ARSF: variants seen among roughly 807,000 people sequenced by gnomAD.
ARSF encodes the protein arylsulfatase F.
Under a neutral mutation model 35.4 loss-of-function variants are expected in ARSF, and 33 were observed. That is an observed-to-expected ratio of 0.93 (90% CI 0.71 to 1.25). The LOEUF is 1.25. ARSF is among the 50% of genes most tolerant of loss of function. The pLI is 0.00. For missense variants in ARSF, 501 were observed against 480.2 expected (o/e 1.04, Z -0.40); for synonymous variants, 222 against 193.1 (o/e 1.15, Z -1.24).
At chrX:3,064,830 T>C (rs953766166) in intron 1 of ARSF, among the ~76,000 whole-genome samples, 7 of 111,473 alleles carry the variant, frequency 6.3e-5, no homozygotes, top group Non-Finnish European at 1.3e-4. Flanking sequence ...TGTGGAGAAA[T>C]AGGAACACTT....
At chrX:3,064,288 T>C (rs1049551180) in intron 1 of ARSF, among the ~76,000 whole-genome samples, 1 of 111,979 alleles carries the variant, frequency 8.9e-6, no homozygotes, top group East Asian at 2.8e-4. Context: ...CCTTACACTT[T>C]ATACAAAATT....
intron 1 of ARSF, among the ~76,000 whole-genome samples, chrX:3,045,554 CTTTT>C (rs780857677): frequency 3.3e-5 from 3 of 89,894 alleles, no homozygotes; most frequent in Non-Finnish European, 4.5e-5. Flanking sequence ...CTGGGCTAAT[CTTTT>C]TTTTTTTTTT....
chrX:3,084,598 G>A lies in ARSF; in HGVS notation c.762G>A (p.Thr254=), dbSNP rs1399812078. Residue 254 remains threonine, a synonymous_variant, in exon 6 of 11, where the codon ACG becomes ACA. Coordinates refer to ENST00000381127, the MANE Select transcript of ARSF (RefSeq NM_001201539.2). ...TCCTCATGCGGGGGCACGAGATCAC[G>A]GAGCAGCCCATGAAGGCTGAACGAG... ...DCLLMRGHEI[T]EQPMKAERAG... 14 of 1,209,406 alleles carry A rather than the reference G, an allele frequency of 1.2e-5. No homozygotes were observed. The highest frequency in any genetic ancestry group is 2.3e-4 in the Middle Eastern group (1 of 4,330).
intron 1 of ARSF, among the ~76,000 whole-genome samples, chrX:3,047,455 C>A (rs1237628124): frequency 1.0e-5 from 1 of 96,310 alleles, no homozygotes; most frequent in African/African-American, 3.8e-5. Flanking sequence ...GCTGGGATTA[C>A]AGGCGTGATC....
intron 7 of ARSF, among the ~76,000 whole-genome samples, chrX:3,095,778 A>C (rs1270076745): frequency 9.1e-6 from 1 of 110,118 alleles, no homozygotes; most frequent in Non-Finnish European, 1.9e-5. Flanking sequence ...TGACGCTTTG[A>C]ATATTTTAAT....
chrX:3,059,294 C>A (rs1164007326), intron 1 of ARSF, among the ~76,000 whole-genome samples: 1 of 111,467 alleles, frequency 9.0e-6, no homozygotes, highest in East Asian at 2.8e-4. Context: ...GAAACCCCGT[C>A]TCTACTAAAA....
At chrX:3,093,185 T>A (rs2090313033) in intron 7 of ARSF, among the ~76,000 whole-genome samples, 1 of 112,336 alleles carries the variant, frequency 8.9e-6, no homozygotes, top group Non-Finnish European at 1.9e-5. Context: ...AAAATTATCA[T>A]GGGTTTCCCA....
At chrX:3,079,435 C>T (rs2090180013) in intron 4 of ARSF, among the ~76,000 whole-genome samples, 1 of 105,372 alleles carries the variant, frequency 9.5e-6, no homozygotes, top group Non-Finnish European at 1.9e-5. Context: ...AACCTCTGCC[C>T]CTGGGTTCAA....
intron 7 of ARSF, among the ~76,000 whole-genome samples, chrX:3,099,947 AATGTT>A (rs1242235728): frequency 8.9e-6 from 1 of 112,071 alleles, no homozygotes; most frequent in Non-Finnish European, 1.9e-5. Context: ...ATGTTAATGT[AATGTT>A]ATCTGAGATA....
chrX:3,093,678 T>A (rs144951730), intron 7 of ARSF, among the ~76,000 whole-genome samples: 72 of 111,904 alleles, frequency 6.4e-4, no homozygotes, highest in Middle Eastern at 4.6e-3. Context: ...TCTTTGCTAT[T>A]GTGAATAGTA....
At chrX:3,098,476 G>T (rs1183729253) in intron 7 of ARSF, among the ~76,000 whole-genome samples, 3 of 111,116 alleles carry the variant, frequency 2.7e-5, no homozygotes, top group African/African-American at 9.8e-5. Context: ...CCTGGTGGGA[G>T]ATAATTGAAT....
chrX:3,057,474 G>C (rs781071415), intron 1 of ARSF, among the ~76,000 whole-genome samples: 2 of 111,067 alleles, frequency 1.8e-5, no homozygotes, highest in Admixed American at 1.9e-4. Context: ...GTCTTATTAG[G>C]GGGCAGCTGA....
rs993005461 is a variant in ARSF, at chrX:3,093,046, G to A, written c.967+3414G>A. Among the ~76,000 whole-genome samples the A allele has an allele frequency of 7.3e-5, 8 of 109,423 alleles. No individual in the cohort carries two copies. In the South Asian group the frequency reaches 1.2e-3, roughly 16 times the overall value. On this transcript the variant is annotated intron_variant, in intron 7 of 10. Coordinates refer to ENST00000381127, the MANE Select transcript of ARSF (RefSeq NM_001201539.2). ...ACATCCGTGGTGGCGGGCGTCTGTAGTCCCAGCTACTCGGGAGGCTGAGGC... is the reference window on the plus strand; with the variant it reads ...ACATCCGTGGTGGCGGGCGTCTGTAATCCCAGCTACTCGGGAGGCTGAGGC...
intron 6 of ARSF, among the ~76,000 whole-genome samples, chrX:3,085,574 G>A (rs1168639199): frequency 9.0e-6 from 1 of 110,635 alleles, no homozygotes; most frequent in Non-Finnish European, 1.9e-5. Context: ...AGAACACAAT[G>A]ACTGGAAATT....
intron 1 of ARSF, among the ~76,000 whole-genome samples, chrX:3,050,464 T>TA (rs2089992357): frequency 9.3e-6 from 1 of 107,809 alleles, no homozygotes; most frequent in African/African-American, 3.4e-5. Flanking sequence ...GAGAATCGCT[T>TA]GAACCCAGGA....
intron 7 of ARSF, among the ~76,000 whole-genome samples, chrX:3,093,169 G>A (rs566635566): frequency 2.9e-4 from 32 of 110,857 alleles, no homozygotes; most frequent in South Asian, 1.9e-3. Flanking sequence ...CGTCTCAAAA[G>A]AAAAAAAAAT....
chrX:3,082,292 T>C (rs183637628), intron 5 of ARSF, among the ~76,000 whole-genome samples: 50 of 111,613 alleles, frequency 4.5e-4, no homozygotes, highest in African/African-American at 1.5e-3. Flanking sequence ...TGGTCCATCC[T>C]CCATGATTTA....
At chrX:3,086,031 A>G (rs2090245772) in intron 6 of ARSF, among the ~76,000 whole-genome samples, 1 of 111,057 alleles carries the variant, frequency 9.0e-6, no homozygotes, top group Admixed American at 9.6e-5. Context: ...AAAAAAAAAA[A>G]TGTTGTCTGG....
At chrX:3,060,453 G>A (rs1339927066) in intron 1 of ARSF, among the ~76,000 whole-genome samples, 2 of 112,094 alleles carry the variant, frequency 1.8e-5, no homozygotes, top group Admixed American at 9.5e-5. Context: ...AAAGCTGGAT[G>A]GAGAATGACT....
Sources: allele counts gnomAD v4.1 joint callset (sites outside exome capture counted in the v4.1 genomes callset), GRCh38; gene constraint gnomAD v4.1.1; transcripts MANE v1.5; gene names NCBI Gene and HGNC (gene_info 2026-07-23, HGNC 2026-07-21).